The following DPYSL3 variants were observed in gnomAD, a reference collection of about 807,000 sequenced individuals.
The protein encoded by DPYSL3 is dihydropyrimidinase like 3, also known as dihydropyrimidinase-related protein 3.
A neutral mutation model predicts 66.1 loss-of-function variants in DPYSL3; 16 were observed. The observed-to-expected ratio is 0.24, with a 90% CI of 0.16 to 0.37. The LOEUF (loss-of-function observed/expected upper bound fraction) is 0.37, where lower values mean the gene tolerates loss of function less well. Among genes scored for constraint, DPYSL3 ranks in the 10% least tolerant of loss-of-function variants. DPYSL3 has a pLI of 1.00. For missense variants in DPYSL3, 738 were observed against 916.2 expected, an observed-to-expected ratio of 0.81 and a Z score of 2.51; for synonymous variants, 338 against 345.1, an observed-to-expected ratio of 0.98 and a Z score of 0.23.
intron 3 of DPYSL3, among the ~76,000 whole-genome samples, chr5:147,416,337 C>T (rs530276931): frequency 2.8e-4 from 43 of 152,234 alleles, no homozygotes; most frequent in African/African-American, 8.7e-4. Flanking sequence ...AGGGCGAAAG[C>T]GAGGTTTAAA....
chr5:147,408,411 C>CAAAAT (rs113874242), intron 7 of DPYSL3, among the ~76,000 whole-genome samples: 2,958 of 152,070 alleles, frequency 0.019, 92 homozygotes, highest in African/African-American at 0.068. Flanking sequence ...TTGCAGGACT[C>CAAAAT]GAAATAAGGG....
At chr5:147,503,884 T>C (rs1753649350) in intron 1 of DPYSL3, among the ~76,000 whole-genome samples, 2 of 152,198 alleles carry the variant, frequency 1.3e-5, no homozygotes, top group South Asian at 4.1e-4. Context: ...TTTATCCACT[T>C]TGATTTTCTG....
At chr5:147,400,427 A>C (rs1216843051) in intron 10 of DPYSL3, among the ~76,000 whole-genome samples, 3 of 152,250 alleles carry the variant, frequency 2.0e-5, no homozygotes, top group Non-Finnish European at 4.4e-5. Context: ...CTATTCGTAC[A>C]CTCAGATGAA....
At chr5:147,457,516 A>G (rs1346976015) in intron 1 of DPYSL3, among the ~76,000 whole-genome samples, 3 of 152,248 alleles carry the variant, frequency 2.0e-5, no homozygotes, top group Non-Finnish European at 4.4e-5. Flanking sequence ...TACAGTATCT[A>G]TATTTGCTTC....
Position 147,509,138 on chromosome 5 carries a change from G to A in DPYSL3, c.381+340C>T, listed in dbSNP as rs1753721382. On this transcript the variant is annotated intron_variant, in intron 1 of 13. Coordinates refer to ENST00000343218, the MANE Select transcript of DPYSL3 (RefSeq NM_001197294.2). This position sits in a 1 kb window ranked among gnomAD's most constrained non-coding sequence, Gnocchi z 5.3. ...CAATTGTGCTGTTGGCTACTAGAGA[G>A]AAGAGCTGGAAATCACTAAGCCTTC... Among the ~76,000 whole-genome samples, 1 of 152,202 alleles carries A rather than the reference G, an allele frequency of 6.6e-6. No homozygotes were observed. The highest frequency in any genetic ancestry group is 2.1e-4 in the South Asian group (1 of 4,832).
intron 8 of DPYSL3, among the ~76,000 whole-genome samples, chr5:147,405,266 C>T (rs977995753): frequency 6.6e-6 from 1 of 152,162 alleles, no homozygotes; most frequent in African/African-American, 2.4e-5. Flanking sequence ...TTGAATTTTG[C>T]ACCCAATTTA....
chr5:147,438,561 T>C (rs947108747), intron 1 of DPYSL3, among the ~76,000 whole-genome samples: 6 of 152,228 alleles, frequency 3.9e-5, no homozygotes, highest in Non-Finnish European at 8.8e-5. Context: ...ATACATTCTC[T>C]GTGCTTAGAA....
intron 10 of DPYSL3, among the ~76,000 whole-genome samples, 195 bp from the exon 11 acceptor site, chr5:147,399,447 T>C (rs1483978523): frequency 6.6e-6 from 1 of 151,734 alleles, no homozygotes; most frequent in Non-Finnish European, 1.5e-5. Context: ...GGTAAAATGG[T>C]CAAACACATG....
intron 1 of DPYSL3, among the ~76,000 whole-genome samples, chr5:147,437,175 GCT>G (rs1366666191): frequency 6.6e-6 from 1 of 152,186 alleles, no homozygotes; most frequent in Non-Finnish European, 1.5e-5. Context: ...TTAAGAAGCA[GCT>G]CTCTCTTTTC....
At chr5:147,439,472 C>T (rs980915353) in intron 1 of DPYSL3, among the ~76,000 whole-genome samples, 2 of 151,998 alleles carry the variant, frequency 1.3e-5, no homozygotes, top group African/African-American at 4.8e-5. Flanking sequence ...CAGTCAGTGG[C>T]AGGACTGGAG....
At chr5:147,474,248 CATA>C (rs1445024361) in intron 1 of DPYSL3, among the ~76,000 whole-genome samples, 1 of 152,084 alleles carries the variant, frequency 6.6e-6, no homozygotes. Flanking sequence ...CTCCCATACA[CATA>C]ATGACAAAAT....
intron 8 of DPYSL3, among the ~76,000 whole-genome samples, chr5:147,404,434 A>G (rs372391950): frequency 8.3e-4 from 127 of 152,340 alleles, no homozygotes; most frequent in African/African-American, 2.9e-3. Flanking sequence ...AGCTACTGCA[A>G]TCACTCACAC....
intron 1 of DPYSL3, among the ~76,000 whole-genome samples, chr5:147,485,507 A>G (rs975079093): frequency 7.2e-5 from 11 of 152,212 alleles, no homozygotes; most frequent in African/African-American, 2.4e-4. Flanking sequence ...CTATTACTAA[A>G]TATTTCAGTC....
intron 1 of DPYSL3, among the ~76,000 whole-genome samples, chr5:147,507,901 A>T (rs1191778236): frequency 6.6e-6 from 1 of 152,180 alleles, no homozygotes; most frequent in African/African-American, 2.4e-5. Flanking sequence ...TGTTTCAGCA[A>T]AGGGAATAGC....
At chr5:147,430,296 G>A in intron 1 of DPYSL3, among the ~76,000 whole-genome samples, 1 of 151,980 alleles carries the variant, frequency 6.6e-6, no homozygotes, top group East Asian at 1.9e-4. Context: ...AGGAGTTCGA[G>A]AGCAGCCTGG....
At chr5:147,490,005 T>G (rs1753391190) in intron 1 of DPYSL3, among the ~76,000 whole-genome samples, 1 of 151,878 alleles carries the variant, frequency 6.6e-6, no homozygotes, top group South Asian at 2.1e-4. Context: ...TGAAATAAAA[T>G]TCTTCCTTTC....
At chr5:147,456,008 A>G (rs1349715079) in intron 1 of DPYSL3, among the ~76,000 whole-genome samples, 1 of 152,146 alleles carries the variant, frequency 6.6e-6, no homozygotes, top group Non-Finnish European at 1.5e-5. Flanking sequence ...GCTGAATGGC[A>G]ATTGCAATGT....
At chr5:147,505,840 C>T (rs111241373) in intron 1 of DPYSL3, among the ~76,000 whole-genome samples, 1 of 152,082 alleles carries the variant, frequency 6.6e-6, no homozygotes, top group Non-Finnish European at 1.5e-5. Context: ...TGTCCTTGCT[C>T]TGAATAATAT....
chr5:147,488,262 G>A (rs1191160940), intron 1 of DPYSL3, among the ~76,000 whole-genome samples: 1 of 152,120 alleles, frequency 6.6e-6, no homozygotes, highest in East Asian at 1.9e-4. Flanking sequence ...AAGAAACCAG[G>A]AGGTAGATCA....
Sources: allele counts gnomAD v4.1 joint callset (sites outside exome capture counted in the v4.1 genomes callset), GRCh38; gene constraint gnomAD v4.1.1; non-coding constraint Gnocchi (gnomAD v3.1); transcripts MANE v1.5; gene names NCBI Gene and HGNC (gene_info 2026-07-23, HGNC 2026-07-21).